Variants in ACOXL observed in about 807,000 individuals in gnomAD.
ACOXL encodes the protein acyl-coenzyme A oxidase-like protein.
In ACOXL, 70 loss-of-function variants were observed where a neutral mutation model predicts 71.9. The ratio of observed to expected loss-of-function variants is 0.97; its 90% confidence interval spans 0.80 to 1.19. The LOEUF (loss-of-function observed/expected upper bound fraction) is 1.19, where lower values mean the gene tolerates loss of function less well. Ranked by LOEUF, ACOXL falls within the 50% of genes most tolerant of loss-of-function variation. ACOXL has a pLI of 0.00. For missense variants in ACOXL, 703 were observed against 736.3 expected, an observed-to-expected ratio of 0.95 and a Z score of 0.52; for synonymous variants, 253 against 281.6, an observed-to-expected ratio of 0.90 and a Z score of 1.02.
intron 12 of ACOXL, among the ~76,000 whole-genome samples, chr2:110,936,950 C>T (rs530773151): frequency 2.2e-4 from 33 of 151,846 alleles, no homozygotes; most frequent in Non-Finnish European, 4.0e-4. Context: ...TGGGTTCAAG[C>T]AATTCTCCTC....
intron 11 of ACOXL, among the ~76,000 whole-genome samples, chr2:110,910,979 T>C (rs1052702889): frequency 1.3e-5 from 2 of 152,182 alleles, no homozygotes; most frequent in African/African-American, 4.8e-5. Flanking sequence ...TTTATGATTA[T>C]TGCTTTCTGT....
chr2:110,815,830 A>G (rs1326833032), intron 9 of ACOXL, among the ~76,000 whole-genome samples: 1 of 152,146 alleles, frequency 6.6e-6, no homozygotes. Flanking sequence ...ACTCAGGGGT[A>G]AGAAAGTCTT....
rs919349491 is a variant in ACOXL at position 110,793,645 on chromosome 2, T to G, written c.160-5T>G. Reference sequence around the variant, plus strand: ...AATGATGGTTTGTATTGTCCTTGTTTCCAGTGCGGAATAATTTATTGGCTA... The same window carrying G: ...AATGATGGTTTGTATTGTCCTTGTTGCCAGTGCGGAATAATTTATTGGCTA... On this transcript the variant is annotated splice_polypyrimidine_tract_variant and splice_region_variant and intron_variant, in intron 3 of 17. Transcript: ENST00000439055. 9.9e-6 allele frequency: 16 copies of G among 1,613,374 alleles called. No individual in the cohort carries two copies. The African/African-American group carries it at 2.1e-4, about 22-fold the overall frequency.
At chr2:110,777,496 C>T (rs531187976) in intron 2 of ACOXL, among the ~76,000 whole-genome samples, 1 of 152,342 alleles carries the variant, frequency 6.6e-6, no homozygotes, top group African/African-American at 2.4e-5. Flanking sequence ...AGGCAGGATT[C>T]AAGCCAGTTG....
intron 12 of ACOXL, among the ~76,000 whole-genome samples, chr2:110,950,563 G>T (rs2061290071): frequency 1.3e-5 from 2 of 152,060 alleles, no homozygotes; most frequent in Admixed American, 6.5e-5. Flanking sequence ...TTGATCCACG[G>T]TATGTTGTTT....
At chr2:111,051,164 C>T (rs947454994) in intron 16 of ACOXL, among the ~76,000 whole-genome samples, 4 of 152,102 alleles carry the variant, frequency 2.6e-5, no homozygotes, top group Admixed American at 1.3e-4. Context: ...TGAACAAAAA[C>T]GTGTGCCGAG....
At chr2:110,921,526 TG>T (rs1314643966) in intron 11 of ACOXL, among the ~76,000 whole-genome samples, 1 of 151,682 alleles carries the variant, frequency 6.6e-6, no homozygotes, top group Non-Finnish European at 1.5e-5. Flanking sequence ...CCCAAGTAGC[TG>T]GGACTACAGG....
intron 15 of ACOXL, among the ~76,000 whole-genome samples, chr2:111,037,369 A>G (rs1472996651): frequency 6.6e-6 from 1 of 152,176 alleles, no homozygotes; most frequent in Non-Finnish European, 1.5e-5. Context: ...GTTTTTTATC[A>G]CCAGTGACCT....
intron 1 of ACOXL, among the ~76,000 whole-genome samples, chr2:110,756,920 G>A (rs577607234): frequency 6.6e-6 from 1 of 152,034 alleles, no homozygotes; most frequent in South Asian, 2.1e-4. Context: ...AAATTCAGGG[G>A]TACATGTGCA....
At chr2:110,905,640 G>A (rs2059412116) in intron 10 of ACOXL, among the ~76,000 whole-genome samples, 1 of 152,110 alleles carries the variant, frequency 6.6e-6, no homozygotes, top group Admixed American at 6.5e-5. Flanking sequence ...AAAACTCAGT[G>A]CTCCCTGGGC....
intron 1 of ACOXL, among the ~76,000 whole-genome samples, chr2:110,752,085 C>T: frequency 6.6e-6 from 1 of 150,848 alleles, no homozygotes; most frequent in Non-Finnish European, 1.5e-5. Context: ...AGTGCAATGG[C>T]ACGATCTTGG....
At chr2:110,877,898 C>T (rs1696124977) in intron 10 of ACOXL, among the ~76,000 whole-genome samples, 1 of 152,236 alleles carries the variant, frequency 6.6e-6, no homozygotes, top group Non-Finnish European at 1.5e-5. Context: ...CTGCATCCCG[C>T]AGCCGTGCAG....
At chr2:111,076,140 G>A (rs2067588631) in intron 16 of ACOXL, among the ~76,000 whole-genome samples, 2 of 151,978 alleles carry the variant, frequency 1.3e-5, no homozygotes, top group Non-Finnish European at 2.9e-5. Flanking sequence ...CTGTCAATCA[G>A]CATTCTGTCT....
intron 14 of ACOXL, among the ~76,000 whole-genome samples, chr2:111,017,420 G>A (rs895746570): frequency 2.6e-5 from 4 of 152,232 alleles, no homozygotes; most frequent in African/African-American, 9.6e-5. Context: ...CCATTTCTGC[G>A]CAAGCTCAGC....
chr2:110,995,793 GA>G, intron 13 of ACOXL, 99 bp from the exon 14 acceptor site: 2 of 833,802 alleles, frequency 2.4e-6, no homozygotes, highest in South Asian at 1.5e-5. Context: ...TTTTTCTACA[GA>G]AAAAAATAGT....
Position 110,733,287 on chromosome 2 carries a change from A to G in ACOXL, c.-23+513A>G, listed in dbSNP as rs111566085. 1.1e-3 allele frequency among the ~76,000 whole-genome samples: 174 copies of G among 152,142 alleles called. 1 individual carries two copies. The highest frequency in any genetic ancestry group is 4.1e-3 in the African/African-American group (170 of 41,496). On this transcript the variant is annotated intron_variant, in intron 1 of 17. Coordinates refer to ENST00000439055, the MANE Select transcript of ACOXL (RefSeq NM_001142807.4). Reference sequence around the variant, plus strand: ...CCCCCTCGGAGTGCAGGTGTGCGGAATGGGCAGCTTCAGCGGGGCGGTTTG... The same window carrying G: ...CCCCCTCGGAGTGCAGGTGTGCGGAGTGGGCAGCTTCAGCGGGGCGGTTTG...
intron 10 of ACOXL, among the ~76,000 whole-genome samples, chr2:110,870,340 CTTTTT>C (rs138530387): frequency 2.1e-5 from 3 of 146,110 alleles, no homozygotes; most frequent in African/African-American, 7.6e-5. Flanking sequence ...AAGCCCTAGA[CTTTTT>C]TTTTTTTTTA....
rs145383475 is a variant in ACOXL, at chr2:110,850,852, C to T, written c.788+9447C>T. 6.9e-3 allele frequency among the ~76,000 whole-genome samples: 1,058 copies of T among 152,278 alleles called. 4 individuals carry two copies. The highest frequency in any genetic ancestry group is 0.01 in the Middle Eastern group (3 of 294). ...AGAGAAATGAAAACGTTAGTGCACA[C>T]CAAGACGTGTATGCATGGCTTCTCC... On this transcript the variant is annotated intron_variant, in intron 10 of 17. Coordinates refer to ENST00000439055, the MANE Select transcript of ACOXL (RefSeq NM_001142807.4).
intron 9 of ACOXL, among the ~76,000 whole-genome samples, chr2:110,830,433 A>AT (rs113525721): frequency 1.8e-4 from 27 of 150,110 alleles, no homozygotes; most frequent in Non-Finnish European, 3.0e-4. Context: ...AATCTATTGC[A>AT]TTTTTTTTTA....
Sources: allele counts gnomAD v4.1 joint callset (sites outside exome capture counted in the v4.1 genomes callset), GRCh38; gene constraint gnomAD v4.1.1; transcripts MANE v1.5; gene names NCBI Gene and HGNC (gene_info 2026-07-23, HGNC 2026-07-21).